The following ZNF407 variants were observed in gnomAD, a reference collection of about 807,000 sequenced individuals.
ZNF407 encodes the protein zinc finger protein 407.
A neutral mutation model predicts 131.2 loss-of-function variants in ZNF407; 17 were observed. The observed-to-expected ratio is 0.13, with a 90% CI of 0.09 to 0.19. ZNF407 has a LOEUF of 0.19. Among genes scored for constraint, ZNF407 ranks in the 10% least tolerant of loss-of-function variants. The pLI is 1.00. For missense variants in ZNF407, 2,681 were observed against 2,830.6 expected (o/e 0.95, Z 1.20); for synonymous variants, 1,156 against 1,062.0 (o/e 1.09, Z -1.72).
Position 74,754,263 on chromosome 18 carries a change from G to A in ZNF407, c.4803-27165G>A, listed in dbSNP as rs139834895. 7.7e-3 allele frequency among the ~76,000 whole-genome samples: 1,175 copies of A among 151,974 alleles called. 2 individuals are homozygous for A. Among genetic ancestry groups the A allele is most frequent in the Non-Finnish European group, 0.013 (869 of 67,976 alleles). Reference sequence around the variant, plus strand: ...TTTCTTCTTCATTAGTCTTGCTAGCGGTCTATCAATTCTGTTGATCTTTTC... The same window carrying A: ...TTTCTTCTTCATTAGTCTTGCTAGCAGTCTATCAATTCTGTTGATCTTTTC... On this transcript the variant is annotated intron_variant, in intron 3 of 8. Transcript: ENST00000299687.
chr18:74,688,749 AT>A (rs1158666231), intron 3 of ZNF407, among the ~76,000 whole-genome samples: 1 of 152,096 alleles, frequency 6.6e-6, no homozygotes, highest in African/African-American at 2.4e-5. Flanking sequence ...GTATTCAGTT[AT>A]TTTTTGCATT....
In ZNF407 at chr18:74,865,629, TTGAAA is replaced by T. The variant is rs1429819634; in HGVS notation, c.4878-11567_4878-11563del. ...TCCACATGGCCTTTTGTTGCAGGTA[TTGAAA>T]AATTAGTATAAATGATCTATATCCA... is the stretch of plus-strand genomic sequence containing the variant. On this transcript the variant is annotated intron_variant, in intron 4 of 8. Transcript: ENST00000299687. Among the ~76,000 whole-genome samples the T allele has an allele frequency of 2.0e-5, 3 of 152,342 alleles. No homozygotes were observed. In the South Asian group the frequency reaches 6.2e-4, roughly 32 times the overall value.
chr18:74,862,524 A>G (rs1356159750), intron 4 of ZNF407, among the ~76,000 whole-genome samples: 1 of 152,196 alleles, frequency 6.6e-6, no homozygotes, highest in East Asian at 1.9e-4. Context: ...AGCTGTAGCT[A>G]TCTTTTTGTT....
At chr18:74,769,829 T>C (rs1969324936) in intron 3 of ZNF407, among the ~76,000 whole-genome samples, 1 of 152,180 alleles carries the variant, frequency 6.6e-6, no homozygotes, top group African/African-American at 2.4e-5. Flanking sequence ...CTGATTTACT[T>C]AGTTGTTGGA....
intron 3 of ZNF407, among the ~76,000 whole-genome samples, chr18:74,683,643 A>G (rs1967035315): frequency 6.6e-6 from 1 of 152,204 alleles, no homozygotes; most frequent in East Asian, 1.9e-4. Context: ...TGTAGAACAT[A>G]CAAACTATTT....
chr18:74,764,173 T>C (rs1969175597), intron 3 of ZNF407, among the ~76,000 whole-genome samples: 1 of 152,212 alleles, frequency 6.6e-6, no homozygotes, highest in East Asian at 1.9e-4. Flanking sequence ...TTTTTGCCCA[T>C]TATTTCTTCA....
chr18:74,880,993 T>C lies in ZNF407; in HGVS notation c.5045-43T>C, dbSNP rs143914079. The stretch of plus-strand genomic sequence containing the variant: ...AGCCTTGATAGATATGTTTTAATGA[T>C]CTGTGACCTCCGCAGTCCCTCATCT... On this transcript the variant is annotated intron_variant, in intron 5 of 8. Transcript: ENST00000299687. 83 of 1,515,704 alleles carry C rather than the reference T, an allele frequency of 5.5e-5. No individual in the cohort carries two copies. In the African/African-American group the frequency reaches 1.0e-3, roughly 19 times the overall value. 93.9% of individuals were successfully genotyped at this position (1,515,704 alleles called of 1,614,324 possible). A position where few individuals can be genotyped will look rare whatever the true frequency, so the allele number is the denominator to read the frequency against.
chr18:74,644,782 A>G (rs773686503), intron 3 of ZNF407, among the ~76,000 whole-genome samples: 1 of 151,870 alleles, frequency 6.6e-6, no homozygotes. Context: ...GTAATGGTAG[A>G]CCACTCTTTC....
intron 8 of ZNF407, among the ~76,000 whole-genome samples, chr18:75,013,530 C>T (rs1490921485): frequency 6.6e-6 from 1 of 152,112 alleles, no homozygotes. Context: ...GAAAGAAAGG[C>T]AGCAGAAATG....
intron 1 of ZNF407, among the ~76,000 whole-genome samples, chr18:74,604,912 T>G (rs1021666593): frequency 3.3e-5 from 5 of 152,180 alleles, no homozygotes; most frequent in Non-Finnish European, 7.4e-5. Flanking sequence ...TCATGCATAG[T>G]TCATCAAAGT....
At chr18:74,747,464 G>T (rs1968695596) in intron 3 of ZNF407, among the ~76,000 whole-genome samples, 1 of 151,930 alleles carries the variant, frequency 6.6e-6, no homozygotes, top group African/African-American at 2.4e-5. Context: ...TACAACCATT[G>T]AGAGGCTTTC....
At chr18:74,840,662 C>A (rs955188432) in intron 4 of ZNF407, among the ~76,000 whole-genome samples, 5 of 152,080 alleles carry the variant, frequency 3.3e-5, no homozygotes, top group African/African-American at 9.7e-5. Context: ...TACAGGCATG[C>A]CCCACCACAC....
chr18:74,829,610 A>C (rs1164948062), intron 4 of ZNF407, among the ~76,000 whole-genome samples: 3 of 152,162 alleles, frequency 2.0e-5, no homozygotes, highest in African/African-American at 7.2e-5. Context: ...GATTGAAGGA[A>C]ATCTGCCCCA....
At chr18:74,954,617 TG>T in intron 8 of ZNF407, among the ~76,000 whole-genome samples, 1 of 152,324 alleles carries the variant, frequency 6.6e-6, no homozygotes, top group African/African-American at 2.4e-5. Context: ...TTTTATCATT[TG>T]TTACTAAGCA....
chr18:74,797,613 A>G (rs1184960852), intron 4 of ZNF407, among the ~76,000 whole-genome samples: 1 of 152,230 alleles, frequency 6.6e-6, no homozygotes, highest in Non-Finnish European at 1.5e-5. Context: ...CATAAAGGGA[A>G]AGTTTTCTTT....
At chr18:74,720,674 G>C (rs556942371) in intron 3 of ZNF407, among the ~76,000 whole-genome samples, 2 of 152,110 alleles carry the variant, frequency 1.3e-5, no homozygotes, top group African/African-American at 4.8e-5. Context: ...GTTGATTTTT[G>C]TGTAGGGTTA....
chr18:74,610,672 C>T (rs1983017210), intron 1 of ZNF407, among the ~76,000 whole-genome samples: 1 of 152,116 alleles, frequency 6.6e-6, no homozygotes, highest in South Asian at 2.1e-4. Context: ...GCCTCTGCCT[C>T]CCAAGCAGCT....
At chr18:74,608,355 C>CTTTTTTTTTT (rs375136326) in intron 1 of ZNF407, among the ~76,000 whole-genome samples, 12,676 of 145,000 alleles carry the variant, frequency 0.087, 644 homozygotes, top group Non-Finnish European at 0.13. Flanking sequence ...TTTTAGATTT[C>CTTTTTTTTTT]TTTTTTTTTT....
intron 3 of ZNF407, among the ~76,000 whole-genome samples, chr18:74,769,002 G>T (rs915721120): frequency 6.6e-6 from 1 of 152,014 alleles, no homozygotes; most frequent in African/African-American, 2.4e-5. Flanking sequence ...GGTCATCGTC[G>T]TCATTGTCAT....
Sources: gnomAD v4.1 joint callset for allele counts (sites outside exome capture counted in the v4.1 genomes callset) on GRCh38, gnomAD v4.1.1 for gene constraint, MANE v1.5 for transcripts, NCBI Gene and HGNC (gene_info 2026-07-23, HGNC 2026-07-21) for gene names.